Variants in MMP9 observed in about 807,000 individuals in gnomAD.
MMP9 encodes matrix metallopeptidase 9.
Under a neutral mutation model 76.4 loss-of-function variants are expected in MMP9, and 73 were observed. That is an observed-to-expected ratio of 0.96 (90% confidence interval 0.79 to 1.16). The LOEUF (loss-of-function observed/expected upper bound fraction) is 1.16, where lower values mean the gene tolerates loss of function less well. Among genes scored for constraint, MMP9 ranks in the 50% most tolerant of loss-of-function variants. The pLI is 0.00. For synonymous variants in MMP9, 412 were observed against 408.4 expected, an observed-to-expected ratio of 1.01 and a Z score of -0.11; for missense variants, 943 against 973.0, an observed-to-expected ratio of 0.97 and a Z score of 0.41.
intron 2 of MMP9, among the ~76,000 whole-genome samples, 153 bp from the exon 3 acceptor site, chr20:46,010,330 A>AAAAAAAAAAAAAAAAAAAAAAAAC (rs2084269756): frequency 2.0e-5 from 2 of 101,926 alleles, no homozygotes; most frequent in Non-Finnish European, 4.2e-5. Context: ...ACAAAAAAAA[A>AAAAAAAAAAAAAAAAAAAAAAAAC]AAAAAAAAAA....
rs1421930447 is a variant in MMP9 at position 46,013,122 on chromosome 20, T to G, written c.1331-133T>G. 1 of 1,044,482 alleles carries G rather than the reference T, an allele frequency of 9.6e-7. No individual in the cohort carries two copies. The highest frequency in any genetic ancestry group is 1.6e-5 in the African/African-American group (1 of 63,606). The allele number at this position is 1,044,482 out of a possible 1,614,324, so 64.7% of individuals were successfully genotyped here. On this transcript the variant is annotated intron_variant, in intron 8 of 12. Coordinates refer to ENST00000372330, the MANE Select transcript of MMP9 (RefSeq NM_004994.3). This position sits in a 1 kb window ranked among gnomAD's most constrained non-coding sequence, Gnocchi z 4.5. ...AGAAGAAGAAGAAAGTCCTGTGGTT[T>G]GGGAAGGGAGGCTGAGTGAGGAGGG...
In MMP9 at chr20:46,011,728, C is replaced by G; in HGVS notation, c.978C>G (p.Phe326Leu). ...TTANYDRDKL[F>L]GFCPTRADST... ...CCAACTACGACCGGGACAAGCTCTT[C>G]GGCTTCTGCCCGACCCGAGGTACCT... Residue 326 changes from phenylalanine to leucine, a missense_variant, in exon 6 of 13, where the codon TTC becomes TTG. Coordinates refer to ENST00000372330, the MANE Select transcript of MMP9 (RefSeq NM_004994.3). 1.2e-6 allele frequency: 2 copies of G among 1,612,702 alleles called. No homozygotes were observed. Among genetic ancestry groups the G allele is most frequent in the Non-Finnish European group, 1.7e-6 (2 of 1,179,868 alleles).
rs763027034 is a variant in MMP9 at position 46,010,956 on chromosome 20, C to A, written c.555C>A (p.Asp185Glu). 3 of 1,614,234 alleles carry A rather than the reference C, an allele frequency of 1.9e-6. No individual in the cohort carries two copies. Among genetic ancestry groups the A allele is most frequent in the South Asian group, 1.1e-5 (1 of 91,088 alleles). Residue 185 changes from aspartate to glutamate, a missense_variant, in exon 4 of 13, where the codon GAC becomes GAA. Physicochemically the swap from Asp to Glu is conservative, Grantham distance 45. Coordinates refer to ENST00000372330, the MANE Select transcript of MMP9 (RefSeq NM_004994.3). Reference sequence around the variant, plus strand: ...ACGGGTATCCCTTCGACGGGAAGGACGGGCTCCTGGCACACGCCTTTCCTC... The same window carrying A: ...ACGGGTATCCCTTCGACGGGAAGGAAGGGCTCCTGGCACACGCCTTTCCTC... ...HGDGYPFDGK[D>E]GLLAHAFPPG...
At position 46,011,650 on chromosome 20, in the gene MMP9, C is replaced by A; in HGVS notation, c.900C>A (p.Ser300=). The change falls in exon 6 of 13, where the codon TCC becomes TCA. Residue 300 remains serine, a synonymous_variant. Transcript: ENST00000372330. ...FPFIFQGQSY[S]ACTTDGRSDG... ...TCATCTTCCAAGGCCAATCCTACTC[C>A]GCCTGCACCACGGACGGTCGCTCCG... 1 of 1,610,328 alleles carries A rather than the reference C, an allele frequency of 6.2e-7. No individual in the cohort carries two copies. The highest frequency in any genetic ancestry group is 8.5e-7 in the Non-Finnish European group (1 of 1,178,408).
At chr20:46,009,575 T>C (rs1600573957) in intron 1 of MMP9, among the ~76,000 whole-genome samples, 1 of 152,026 alleles carries the variant, frequency 6.6e-6, no homozygotes, top group Non-Finnish European at 1.5e-5. Flanking sequence ...TCGCTGAAGC[T>C]CAGGAGTTTG....
At chr20:46,009,367 G>A (rs2084261622) in intron 1 of MMP9, among the ~76,000 whole-genome samples, 1 of 152,114 alleles carries the variant, frequency 6.6e-6, no homozygotes, top group Admixed American at 6.5e-5. Context: ...CAAACCTTAT[G>A]CAGCTGTGGG....
Position 46,013,240 on chromosome 20 carries a change from C to T in MMP9, c.1331-15C>T. ...TGCAGGAATAGGAAGAGTCTCACCC[C>T]GTGTCTCTTTTTAGGTCCTCGCCCT... On this transcript the variant is annotated splice_polypyrimidine_tract_variant and intron_variant, in intron 8 of 12. Coordinates refer to ENST00000372330, the MANE Select transcript of MMP9 (RefSeq NM_004994.3). The surrounding 1 kb of genome is among the most constrained non-coding windows in gnomAD (Gnocchi z 4.5). 1 of 1,613,996 alleles carries T rather than the reference C, an allele frequency of 6.2e-7. No individual in the cohort carries two copies. The highest frequency in any genetic ancestry group is 8.5e-7 in the Non-Finnish European group (1 of 1,179,936).
intron 3 of MMP9, 107 bp downstream of exon 3, chr20:46,010,738 C>G: frequency 3.2e-6 from 5 of 1,541,536 alleles, no homozygotes; most frequent in Non-Finnish European, 4.4e-6. Context: ...CTTGCCTGCC[C>G]GCGCTGCCCT....
intron 5 of MMP9, 80 bp from the exon 6 acceptor site, chr20:46,011,494 G>A (rs1014644406): frequency 3.6e-5 from 57 of 1,594,356 alleles, no homozygotes; most frequent in African/African-American, 3.2e-4. Context: ...CCATCCATGG[G>A]TCAAAGAACA....
At position 46,012,471 on chromosome 20, in the gene MMP9, C is replaced by G; in HGVS notation, c.1219C>G (p.Leu407Val). ...GGCGGCGCATGAGTTCGGCCACGCGCTGGGCTTAGATCATTCCTCAGTGCC... is the reference window on the plus strand; with the variant it reads ...GGCGGCGCATGAGTTCGGCCACGCGGTGGGCTTAGATCATTCCTCAGTGCC... ...LVAAHEFGHA[L>V]GLDHSSVPEA... The change falls in exon 8 of 13, where the codon CTG becomes GTG. Residue 407 changes from leucine to valine, a missense_variant. Physicochemically the swap from Leu to Val is conservative, Grantham distance 32. Coordinates refer to ENST00000372330, the MANE Select transcript of MMP9 (RefSeq NM_004994.3). The G allele has an allele frequency of 6.2e-7, 1 of 1,614,192 alleles. No individual in the cohort carries two copies. The highest frequency in any genetic ancestry group is 8.5e-7 in the Non-Finnish European group (1 of 1,180,026).
At position 46,011,318 on chromosome 20, in the gene MMP9, T is replaced by C. The variant is rs746354769; in HGVS notation, c.823+2T>C. ...GGTTTGGCTTCTGCCCCAGCGAGAGTGAGTGAGGGGGCTCGCCGAGGGCTG... is the reference window on the plus strand; with the variant it reads ...GGTTTGGCTTCTGCCCCAGCGAGAGCGAGTGAGGGGGCTCGCCGAGGGCTG... On this transcript the variant is annotated splice_donor_variant, in intron 5 of 12. Coordinates refer to ENST00000372330, the MANE Select transcript of MMP9 (RefSeq NM_004994.3). LOFTEE classifies it high-confidence loss of function. The C allele has an allele frequency of 6.2e-7, 1 of 1,600,044 alleles. No homozygotes were observed. Among genetic ancestry groups the C allele is most frequent in the Non-Finnish European group, 8.5e-7 (1 of 1,176,442 alleles).
In MMP9 at chr20:46,016,321, C is replaced by T. The variant is rs2084322068; in HGVS notation, c.2077C>T (p.Gln693Ter). 1.2e-6 allele frequency: 2 copies of T among 1,614,180 alleles called. No homozygotes were observed. The change falls in exon 13 of 13, where the codon CAA becomes TAA. Residue 693 changes from glutamine to a stop codon, truncating the protein, a stop_gained. Coordinates refer to ENST00000372330, the MANE Select transcript of MMP9 (RefSeq NM_004994.3). LOFTEE classifies it high-confidence loss of function. ...SSRSELNQVD[Q>*]VGYVTYDILQ... ...CCGGAGTGAGTTGAACCAGGTGGAC[C>T]AAGTGGGCTACGTGACCTATGACAT...
In MMP9 at chr20:46,013,068, G is replaced by A. The variant is rs2084294224; in HGVS notation, c.1331-187G>A. Among the ~76,000 whole-genome samples the A allele has an allele frequency of 6.6e-6, 1 of 152,140 alleles. No homozygotes were observed. Among genetic ancestry groups the A allele is most frequent in the Non-Finnish European group, 1.5e-5 (1 of 68,054 alleles). ...ATTGCACCACTGCATTCCATCCTGG[G>A]CCATAGAGGATGTCGCTTAAAACGA... On this transcript the variant is annotated intron_variant, in intron 8 of 12. Coordinates refer to ENST00000372330, the MANE Select transcript of MMP9 (RefSeq NM_004994.3). The surrounding 1 kb of genome is among the most constrained non-coding windows in gnomAD (Gnocchi z 4.5).
intron 12 of MMP9, among the ~76,000 whole-genome samples, chr20:46,015,871 C>T (rs983506224): frequency 6.6e-5 from 10 of 152,202 alleles, no homozygotes; most frequent in Non-Finnish European, 1.0e-4. Flanking sequence ...CTGCTTATCC[C>T]CAGTATCTTG....
rs1465166516 is a variant in MMP9, at chr20:46,009,879, G to A, written c.152G>A (p.Arg51His). 9.0e-6 allele frequency: 14 copies of A among 1,551,810 alleles called. No individual in the cohort carries two copies. Among genetic ancestry groups the A allele is most frequent in the African/African-American group, 1.4e-5 (1 of 73,058 alleles). ...DRQLAEEYLY[R>H]YGYTRVAEMR... Reference sequence around the variant, plus strand: ...CTTCATCCACAGGAATACCTGTACCGCTATGGTTACACTCGGGTGGCAGAG... The same window carrying A: ...CTTCATCCACAGGAATACCTGTACCACTATGGTTACACTCGGGTGGCAGAG... Residue 51 changes from arginine (R) to histidine (H), a missense_variant, in exon 2 of 13, where the codon CGC (arginine) becomes CAC (histidine). Arg to His is a conservative substitution (Grantham distance 29). Transcript: ENST00000372330.
Position 46,016,272 on chromosome 20 carries a change from C to A in MMP9, c.2028C>A (p.Asp676Glu). The change falls in exon 13 of 13, where the codon GAC becomes GAA. Residue 676 changes from aspartate (D) to glutamate (E), a missense_variant. Coordinates refer to ENST00000372330, the MANE Select transcript of MMP9 (RefSeq NM_004994.3). ...QYREKAYFCQ[D>E]RFYWRVSSRS... ...CAGAGAAAGCCTATTTCTGCCAGGA[C>A]CGCTTCTACTGGCGCGTGAGTTCCC... is the stretch of plus-strand genomic sequence containing the variant. 6.2e-7 allele frequency: 1 copy of A among 1,614,238 alleles called. No individual in the cohort carries two copies. Among genetic ancestry groups the A allele is most frequent in the South Asian group, 1.1e-5 (1 of 91,086 alleles).
intron 6 of MMP9, among the ~76,000 whole-genome samples, 172 bp from the exon 7 acceptor site, chr20:46,011,965 G>A (rs1434126184): frequency 1.3e-5 from 2 of 152,192 alleles, no homozygotes; most frequent in African/African-American, 2.4e-5. Context: ...CCAGCTGGCC[G>A]CCTCTTCCTT....
In MMP9 at chr20:46,010,020, G is replaced by T. The variant is rs140352541; in HGVS notation, c.293G>T (p.Arg98Leu). 1 of 1,551,634 alleles carries T rather than the reference G, an allele frequency of 6.4e-7. No homozygotes were observed. The highest frequency in any genetic ancestry group is 8.7e-7 in the Non-Finnish European group (1 of 1,147,000). ...ACGCTGAAGGCCATGCGAACCCCAC[G>T]GTGCGGGGTCCCAGACCTGGGCAGA... is the stretch of plus-strand genomic sequence containing the variant. ...SATLKAMRTP[R>L]CGVPDLGRFQ... Residue 98 changes from arginine (R) to leucine (L), a missense_variant, in exon 2 of 13, where the codon CGG becomes CTG. Physicochemically the swap from Arg to Leu is moderately radical, Grantham distance 102. Coordinates refer to ENST00000372330, the MANE Select transcript of MMP9 (RefSeq NM_004994.3).
chr20:46,014,112 C>G lies in MMP9; in HGVS notation c.1751-12C>G. 6.5e-7 allele frequency: 1 copy of G among 1,534,722 alleles called. No homozygotes were observed. The highest frequency in any genetic ancestry group is 8.7e-7 in the Non-Finnish European group (1 of 1,146,624). On this transcript the variant is annotated splice_polypyrimidine_tract_variant and intron_variant, in intron 10 of 12. Coordinates refer to ENST00000372330, the MANE Select transcript of MMP9 (RefSeq NM_004994.3). ...TGCGCCCCCAAACCGACGTGACCCTCCTCCCCTGCAGGGCGCCAGGTGTGG... is the reference window on the plus strand; with the variant it reads ...TGCGCCCCCAAACCGACGTGACCCTGCTCCCCTGCAGGGCGCCAGGTGTGG...
Sources: allele counts gnomAD v4.1 joint callset (sites outside exome capture counted in the v4.1 genomes callset), GRCh38; gene constraint gnomAD v4.1.1; non-coding constraint Gnocchi (gnomAD v3.1); transcripts MANE v1.5; gene names NCBI Gene and HGNC (gene_info 2026-07-23, HGNC 2026-07-21).